The following EFCAB3 variants were observed in gnomAD, a reference collection of about 807,000 sequenced individuals.
The protein encoded by EFCAB3 is EF-hand calcium binding domain 3, also known as EF-hand calcium-binding domain-containing protein 3.
EFCAB3 carries 36 observed loss-of-function variants against 42.2 expected under a neutral mutation model. The observed-to-expected ratio is 0.85, with a 90% CI of 0.65 to 1.13. EFCAB3 has a LOEUF of 1.13. Ranked by LOEUF, EFCAB3 falls within the 50% of genes most tolerant of loss-of-function variation. The pLI is 0.00. For synonymous variants in EFCAB3, 170 were observed against 172.8 expected, an observed-to-expected ratio of 0.98 and a Z score of 0.13; for missense variants, 418 against 505.1, an observed-to-expected ratio of 0.83 and a Z score of 1.65.
At chr17:62,373,420 C>T (rs1374648555) in intron 1 of EFCAB3, among the ~76,000 whole-genome samples, 1 of 151,576 alleles carries the variant, frequency 6.6e-6, no homozygotes, top group African/African-American at 2.4e-5. Context: ...CAAGACCAGC[C>T]TGGGCAACAT....
chr17:62,377,037 A>G (rs1409253450), upstream of EFCAB3, among the ~76,000 whole-genome samples: 1 of 152,200 alleles, frequency 6.6e-6, no homozygotes, highest in African/African-American at 2.4e-5. Flanking sequence ...AGAAGAGCCA[A>G]GCAATAGAGA....
At chr17:62,410,774 G>C (rs1282825842) in intron 8 of EFCAB3, among the ~76,000 whole-genome samples, 1 of 152,104 alleles carries the variant, frequency 6.6e-6, no homozygotes, top group Admixed American at 6.6e-5. Context: ...GCCCTGATGA[G>C]TTGGGATTGG....
upstream of EFCAB3, among the ~76,000 whole-genome samples, chr17:62,377,671 C>T (rs2070161732): frequency 6.6e-6 from 1 of 152,092 alleles, no homozygotes; most frequent in Non-Finnish European, 1.5e-5. Flanking sequence ...GATCATCTTC[C>T]TCCTGAATCA....
chr17:62,386,023 G>A (rs1052170229), intron 2 of EFCAB3, among the ~76,000 whole-genome samples: 3 of 151,668 alleles, frequency 2.0e-5, no homozygotes, highest in Non-Finnish European at 2.9e-5. Context: ...CACCGCACCC[G>A]GCCTAGTTTT....
chr17:62,373,167 C>T (rs2070126150), intron 1 of EFCAB3, among the ~76,000 whole-genome samples: 1 of 151,690 alleles, frequency 6.6e-6, no homozygotes, highest in African/African-American at 2.4e-5. Flanking sequence ...GTGATCCCAG[C>T]TACTTGGGAG....
upstream of EFCAB3, among the ~76,000 whole-genome samples, chr17:62,377,726 A>T (rs978250836): frequency 1.2e-4 from 18 of 152,224 alleles, no homozygotes; most frequent in Admixed American, 2.6e-4. Context: ...CTAAAAGATG[A>T]TAAATGAATA....
chr17:62,375,272 A>G (rs2070141492), intron 2 of EFCAB3, among the ~76,000 whole-genome samples: 1 of 152,222 alleles, frequency 6.6e-6, no homozygotes, highest in Non-Finnish European at 1.5e-5. Flanking sequence ...AAGAAAAAAT[A>G]TCTACCTTTT....
At position 62,395,097 on chromosome 17, in the gene EFCAB3, G is replaced by T. The variant is rs1475766996; in HGVS notation, c.397G>T (p.Ala133Ser). Residue 133 changes from alanine to serine, a missense_variant, in exon 6 of 10, where the codon GCT (alanine) becomes TCT (serine). Transcript: ENST00000305286. Reference protein sequence around the residue: ...VPEKETCLDLAGNPGILLFEI... With the variant: ...VPEKETCLDLSGNPGILLFEI... Reference sequence around the variant, plus strand: ...AGAAAAGGAGACCTGTTTAGATTTGGCTGGCAACCCAGGAATCCTATTGTT... The same window carrying T: ...AGAAAAGGAGACCTGTTTAGATTTGTCTGGCAACCCAGGAATCCTATTGTT... The T allele has an allele frequency of 6.2e-7, 1 of 1,613,908 alleles. No individual in the cohort carries two copies. Among genetic ancestry groups the T allele is most frequent in the Admixed American group, 1.7e-5 (1 of 59,994 alleles).
intron 3 of EFCAB3, among the ~76,000 whole-genome samples, chr17:62,391,002 T>C (rs1364627089): frequency 2.6e-5 from 4 of 152,234 alleles, no homozygotes; most frequent in Admixed American, 1.3e-4. Flanking sequence ...TACACACATA[T>C]GTGATTTGGG....
chr17:62,388,806 T>C (rs1352912717), intron 3 of EFCAB3, among the ~76,000 whole-genome samples: 1 of 152,226 alleles, frequency 6.6e-6, no homozygotes, highest in African/African-American at 2.4e-5. Context: ...AGGATTGTCA[T>C]GATCAGATTG....
At chr17:62,388,031 G>A (rs950496050) in intron 3 of EFCAB3, among the ~76,000 whole-genome samples, 1 of 152,114 alleles carries the variant, frequency 6.6e-6, no homozygotes, top group African/African-American at 2.4e-5. Context: ...CCAATATGGT[G>A]AAACCTTGTC....
chr17:62,409,330 T>A (rs2070474861), intron 8 of EFCAB3, among the ~76,000 whole-genome samples: 1 of 152,188 alleles, frequency 6.6e-6, no homozygotes, highest in Non-Finnish European at 1.5e-5. Flanking sequence ...GTGCTGGGAT[T>A]ACAGGCATGA....
At chr17:62,409,047 A>G (rs1488388787) in intron 8 of EFCAB3, among the ~76,000 whole-genome samples, 1 of 152,108 alleles carries the variant, frequency 6.6e-6, no homozygotes, top group Non-Finnish European at 1.5e-5. Context: ...TTTATGTTAC[A>G]TGAATTTTCA....
chr17:62,389,977 AG>A (rs1485622073), intron 3 of EFCAB3, among the ~76,000 whole-genome samples: 20 of 151,992 alleles, frequency 1.3e-4, no homozygotes, highest in Non-Finnish European at 2.6e-4. Context: ...TAGTAGAGAC[AG>A]GGTTTCACCA....
intron 1 of EFCAB3, among the ~76,000 whole-genome samples, chr17:62,370,938 T>A (rs1028187896): frequency 7.4e-4 from 112 of 150,806 alleles, no homozygotes; most frequent in Admixed American, 7.3e-4. Context: ...AAAAAAAAAA[T>A]TTAATTATCC....
chr17:62,407,182 T>G lies in EFCAB3; in HGVS notation c.837T>G (p.Tyr279Ter). 6.3e-7 allele frequency: 1 copy of G among 1,595,102 alleles called. No individual in the cohort carries two copies. The highest frequency in any genetic ancestry group is 8.5e-7 in the Non-Finnish European group (1 of 1,174,490). ...IKEPLHFFED[Y>*]FFHKRDWKTQ... The stretch of plus-strand genomic sequence containing the variant: ...AGCCTTTGCATTTCTTTGAGGATTA[T>G]TTTTTCCATAAAAGAGACTGGAAAA... The change falls in exon 8 of 10, where the codon TAT (tyrosine) becomes TAG (stop). Residue 279 changes from tyrosine (Y) to a stop codon, truncating the protein, a stop_gained. Coordinates refer to ENST00000305286, the MANE Select transcript of EFCAB3 (RefSeq NM_173503.4). LOFTEE classifies it high-confidence loss of function.
upstream of EFCAB3, chr17:62,378,146 A>G (rs2070165132): frequency 5.6e-6 from 4 of 712,650 alleles, no homozygotes; most frequent in Non-Finnish European, 4.5e-6. Flanking sequence ...ACTTGTCCAT[A>G]AAGTGAATGA....
At chr17:62,379,800 C>A (rs892345432), upstream of EFCAB3, among the ~76,000 whole-genome samples, 2 of 152,118 alleles carry the variant, frequency 1.3e-5, no homozygotes, top group African/African-American at 4.8e-5. Context: ...ATCATGAATA[C>A]CTTGGTTTCT....
chr17:62,391,707 C>A, intron 3 of EFCAB3, 115 bp from the exon 4 acceptor site: 3 of 1,173,588 alleles, frequency 2.6e-6, no homozygotes, highest in Non-Finnish European at 3.5e-6. Context: ...ATTTTTTTCG[C>A]AATCCTTTTT....
Sources: allele counts gnomAD v4.1 joint callset (sites outside exome capture counted in the v4.1 genomes callset), GRCh38; gene constraint gnomAD v4.1.1; transcripts MANE v1.5; gene names NCBI Gene and HGNC (gene_info 2026-07-23, HGNC 2026-07-21).